The following EPHB1 variants were observed in gnomAD, a reference collection of about 807,000 sequenced individuals.
EPHB1 encodes EPH receptor B1, also known as ephrin type-B receptor 1.
A neutral mutation model predicts 94.4 loss-of-function variants in EPHB1; 30 were observed. The ratio of observed to expected loss-of-function variants is 0.32; its 90% CI spans 0.24 to 0.43. EPHB1 has a LOEUF of 0.43. Among genes scored for constraint, EPHB1 ranks in the 20% least tolerant of loss-of-function variants. EPHB1 has a pLI of 1.00. For synonymous variants in EPHB1, 522 were observed against 489.1 expected, an observed-to-expected ratio of 1.07 and a Z score of -0.89; for missense variants, 1,055 against 1,308.3, an observed-to-expected ratio of 0.81 and a Z score of 2.99.
intron 2 of EPHB1, among the ~76,000 whole-genome samples, chr3:134,929,862 G>A (rs969294094): frequency 6.6e-6 from 1 of 152,250 alleles, no homozygotes; most frequent in Admixed American, 6.5e-5. Context: ...GGAGGCTTGG[G>A]AGAGCAGGGG....
Position 135,259,345 on chromosome 3 carries a change from A to T in EPHB1, c.*225A>T. 2 of 365,202 alleles carry T rather than the reference A, an allele frequency of 5.5e-6. No homozygotes were observed. The highest frequency in any genetic ancestry group is 9.9e-6 in the Non-Finnish European group (2 of 201,232). The allele number at this position is 365,202 out of a possible 1,614,324, so 22.6% of individuals were successfully genotyped here. On this transcript the variant is annotated 3_prime_UTR_variant, in exon 16 of 16. Coordinates refer to ENST00000398015, the MANE Select transcript of EPHB1 (RefSeq NM_004441.5). Reference sequence around the variant, plus strand: ...GGAAACCAAATATATAATAATAAAAATATAAAAAGGTGATGTTCAACAGAA... The same window carrying T: ...GGAAACCAAATATATAATAATAAAATTATAAAAAGGTGATGTTCAACAGAA...
chr3:135,009,108 G>A (rs1309504443), intron 3 of EPHB1, among the ~76,000 whole-genome samples: 1 of 152,198 alleles, frequency 6.6e-6, no homozygotes, highest in African/African-American at 2.4e-5. Flanking sequence ...GAATATGGAT[G>A]CAGGAGCAGA....
At chr3:134,871,358 G>A (rs1207166719) in intron 1 of EPHB1, among the ~76,000 whole-genome samples, 1 of 152,062 alleles carries the variant, frequency 6.6e-6, no homozygotes, top group Non-Finnish European at 1.5e-5. Context: ...TGATTCTCTA[G>A]GCTGGGAGGG....
At chr3:134,914,236 G>A (rs1396480463) in intron 1 of EPHB1, among the ~76,000 whole-genome samples, 3 of 152,138 alleles carry the variant, frequency 2.0e-5, no homozygotes, top group Non-Finnish European at 2.9e-5. Context: ...GTTTGTGAGA[G>A]GTTCTACTCC....
chr3:134,837,325 AC>A (rs897905204), intron 1 of EPHB1, among the ~76,000 whole-genome samples: 117 of 152,378 alleles, frequency 7.7e-4, no homozygotes, highest in African/African-American at 2.8e-3. Flanking sequence ...TTACAAAAAA[AC>A]AAGTTAATAT....
chr3:135,184,416 A>G (rs1164080907), intron 10 of EPHB1, among the ~76,000 whole-genome samples: 1 of 152,222 alleles, frequency 6.6e-6, no homozygotes, highest in Non-Finnish European at 1.5e-5. Flanking sequence ...CCACCCAAGA[A>G]GACAATAATA....
chr3:134,987,837 A>G (rs1934656367), intron 3 of EPHB1, among the ~76,000 whole-genome samples: 1 of 152,182 alleles, frequency 6.6e-6, no homozygotes, highest in African/African-American at 2.4e-5. Flanking sequence ...CTGCAAACCA[A>G]GGACGGAGGC....
At chr3:135,202,774 G>C (rs767563227) in intron 12 of EPHB1, among the ~76,000 whole-genome samples, 10 of 152,260 alleles carry the variant, frequency 6.6e-5, no homozygotes, top group African/African-American at 9.6e-5. Flanking sequence ...CTGCTGCTGG[G>C]AGTGTAAATT....
chr3:134,935,858 G>A (rs40436), intron 2 of EPHB1, among the ~76,000 whole-genome samples: 6,449 of 152,160 alleles, frequency 0.042, 209 homozygotes, highest in African/African-American at 0.085. Context: ...TAATCATCAC[G>A]ATTAATTACA....
chr3:134,989,953 C>T (rs1280297687), intron 3 of EPHB1, among the ~76,000 whole-genome samples: 1 of 152,040 alleles, frequency 6.6e-6, no homozygotes, highest in Non-Finnish European at 1.5e-5. Flanking sequence ...TTCACCTTTC[C>T]CCACCTCCCA....
rs1933050279 is a variant in EPHB1 at position 134,951,973 on chromosome 3, G to T, written c.726G>T (p.Gly242=). ...VDVPIKLYCN[G]DGEWMVPIGR... ...TGCCCATCAAACTCTACTGCAACGG[G>T]GATGGGGAATGGATGGTGCCTATTG... Residue 242 remains glycine (G), a synonymous_variant, in exon 3 of 16, where the codon GGG becomes GGT. Coordinates refer to ENST00000398015, the MANE Select transcript of EPHB1 (RefSeq NM_004441.5). This position sits in a 1 kb window ranked among gnomAD's most constrained non-coding sequence, Gnocchi z 4.5. The T allele has an allele frequency of 3.7e-6, 6 of 1,614,024 alleles. No homozygotes were observed. Among genetic ancestry groups the T allele is most frequent in the Non-Finnish European group, 4.2e-6 (5 of 1,179,890 alleles).
At chr3:134,840,060 C>G (rs1025967335) in intron 1 of EPHB1, among the ~76,000 whole-genome samples, 1 of 152,076 alleles carries the variant, frequency 6.6e-6, no homozygotes, top group African/African-American at 2.4e-5. Context: ...TTCTACACTC[C>G]CCTCCACTTG....
At chr3:135,194,327 A>G (rs372833948) in intron 11 of EPHB1, among the ~76,000 whole-genome samples, 41 of 152,220 alleles carry the variant, frequency 2.7e-4, no homozygotes, top group Admixed American at 6.5e-4. Context: ...TGCCTATCTT[A>G]TACTTTTTTT....
At position 134,903,976 on chromosome 3, in the gene EPHB1, C is replaced by T. The variant is rs7428544; in HGVS notation, c.59-21840C>T. Among the ~76,000 whole-genome samples the T allele has an allele frequency of 6.8e-3, 1,038 of 152,256 alleles. 18 individuals are homozygous for T. The highest frequency in any genetic ancestry group is 0.06 in the South Asian group (291 of 4,816). On this transcript the variant is annotated intron_variant, in intron 1 of 15. Transcript: ENST00000398015. ...GTAATGTTTTTCATTGATTGTGCAG[C>T]GGCAGTGCAAGCAGCTGCCCAGGGA... is the stretch of plus-strand genomic sequence containing the variant.
chr3:134,991,416 G>A (rs1332483476), intron 3 of EPHB1, among the ~76,000 whole-genome samples: 5 of 152,208 alleles, frequency 3.3e-5, no homozygotes, highest in Admixed American at 2.6e-4. Flanking sequence ...TTGAGGTAGT[G>A]GTGGGGTAAA....
chr3:135,157,367 C>A (rs528124689), intron 6 of EPHB1, among the ~76,000 whole-genome samples: 1 of 152,332 alleles, frequency 6.6e-6, no homozygotes, highest in African/African-American at 2.4e-5. Flanking sequence ...TCCTTCCTCC[C>A]AAACCAGCCC....
chr3:135,145,409 G>A (rs1163067135), intron 5 of EPHB1, among the ~76,000 whole-genome samples: 3 of 152,144 alleles, frequency 2.0e-5, no homozygotes, highest in African/African-American at 7.2e-5. Context: ...GGATCTCACA[G>A]AAGTCCCTCG....
intron 1 of EPHB1, among the ~76,000 whole-genome samples, chr3:134,900,111 G>A (rs16842235): frequency 0.16 from 24,208 of 152,088 alleles, 2,583 homozygotes; most frequent in South Asian, 0.3. Flanking sequence ...TTGAGCCTTG[G>A]TTTCTCCTTC....
At chr3:134,909,470 G>C (rs1326708294) in intron 1 of EPHB1, among the ~76,000 whole-genome samples, 1 of 152,184 alleles carries the variant, frequency 6.6e-6, no homozygotes, top group East Asian at 1.9e-4. Context: ...AGCTTTTCAA[G>C]CCTTGAGAGG....
Sources: gnomAD v4.1 joint callset for allele counts (sites outside exome capture counted in the v4.1 genomes callset) on GRCh38, gnomAD v4.1.1 for gene constraint, Gnocchi (gnomAD v3.1) non-coding constraint, MANE v1.5 for transcripts, NCBI Gene and HGNC (gene_info 2026-07-23, HGNC 2026-07-21) for gene names.